The following LEMD3 variants were observed in gnomAD, a reference collection of about 807,000 sequenced individuals.
LEMD3 encodes LEM domain containing 3.
Under a neutral mutation model 95.2 loss-of-function variants are expected in LEMD3, and 33 were observed. The ratio of observed to expected loss-of-function variants is 0.35; its 90% CI spans 0.26 to 0.46. LEMD3 has a LOEUF of 0.46. LEMD3 is among the 20% of genes least tolerant of loss of function. The pLI is 1.00. For missense variants in LEMD3, 1,210 were observed against 1,192.8 expected (o/e 1.01, Z -0.21); for synonymous variants, 525 against 474.6 (o/e 1.11, Z -1.38).
At chr12:65,198,267 AT>A (rs1213022449) in intron 1 of LEMD3, among the ~76,000 whole-genome samples, 3 of 152,152 alleles carry the variant, frequency 2.0e-5, no homozygotes, top group Non-Finnish European at 4.4e-5. Flanking sequence ...AAATTATAGT[AT>A]TCATTAGCAT....
Position 65,216,031 on chromosome 12 carries a change from G to A in LEMD3, c.1615G>A (p.Ala539Thr). The A allele has an allele frequency of 6.3e-7, 1 of 1,590,450 alleles. No individual in the cohort carries two copies. The highest frequency in any genetic ancestry group is 8.6e-7 in the Non-Finnish European group (1 of 1,161,292). Residue 539 changes from alanine to threonine, a missense_variant, in exon 3 of 13, where the codon GCA becomes ACA. By Grantham distance (58) the Ala-to-Thr change is moderately conservative. This residue lies in a region of LEMD3 where 461 missense variants were observed against 569.8 expected (regional missense o/e 0.81). Transcript: ENST00000308330. ...NTLYKLHDRL[A>T]QLAGDHECGS... is the part of the protein sequence containing the mutation. ...ATTATATAAGCTTCATGATCGATTG[G>A]CACAGCTTGCAGGTAATTGTTTTAA...
At chr12:65,194,958 A>C (rs930560024) in intron 1 of LEMD3, among the ~76,000 whole-genome samples, 4 of 90,974 alleles carry the variant, frequency 4.4e-5, no homozygotes, top group Non-Finnish European at 6.2e-5. Flanking sequence ...TTTCTCCCAA[A>C]GTTAGCTTGG....
intron 1 of LEMD3, among the ~76,000 whole-genome samples, chr12:65,186,133 G>A (rs886525858): frequency 6.6e-6 from 1 of 152,006 alleles, no homozygotes; most frequent in African/African-American, 2.4e-5. Context: ...ATTTTACAAT[G>A]AGGAACTAGA....
At chr12:65,244,292 C>A (rs74101755) in intron 10 of LEMD3, among the ~76,000 whole-genome samples, 11,512 of 149,516 alleles carry the variant, frequency 0.077, 960 homozygotes, top group African/African-American at 0.2. Context: ...CACACCCCCC[C>A]CACACACACA....
At chr12:65,222,068 T>C (rs1269834769) in intron 4 of LEMD3, among the ~76,000 whole-genome samples, 9 of 152,118 alleles carry the variant, frequency 5.9e-5, no homozygotes, top group Admixed American at 2.6e-4. Flanking sequence ...TTTGTCACCA[T>C]TGAGTATGAT....
chr12:65,222,669 A>G (rs1204234136), intron 4 of LEMD3, among the ~76,000 whole-genome samples: 1 of 151,592 alleles, frequency 6.6e-6, no homozygotes, highest in African/African-American at 2.4e-5. Flanking sequence ...AATCTTTATT[A>G]TTTCCTCCCT....
chr12:65,235,721 G>C (rs905955251), intron 4 of LEMD3, among the ~76,000 whole-genome samples: 1 of 152,004 alleles, frequency 6.6e-6, no homozygotes, highest in Non-Finnish European at 1.5e-5. Flanking sequence ...GGGGCATCCT[G>C]GAACCAATCC....
chr12:65,216,490 A>C (rs181603152), intron 3 of LEMD3, among the ~76,000 whole-genome samples: 88 of 152,156 alleles, frequency 5.8e-4, no homozygotes, highest in African/African-American at 2.1e-3. Context: ...TTTTCCTCAT[A>C]GTCTGCTCTT....
intron 1 of LEMD3, among the ~76,000 whole-genome samples, chr12:65,195,166 G>A (rs950776632): frequency 9.2e-5 from 14 of 152,068 alleles, no homozygotes; most frequent in Admixed American, 2.0e-4. Flanking sequence ...TGCAGAACCT[G>A]TGGTTATGGT....
intron 2 of LEMD3, among the ~76,000 whole-genome samples, chr12:65,214,322 G>A (rs1042644036): frequency 6.6e-6 from 1 of 152,086 alleles, no homozygotes; most frequent in Non-Finnish European, 1.5e-5. Flanking sequence ...GTCTAATTTT[G>A]CAGTTTGAAT....
Position 65,170,523 on chromosome 12 carries a change from A to T in LEMD3, c.927A>T (p.Ser309=). 2 of 1,614,008 alleles carry T rather than the reference A, an allele frequency of 1.2e-6. No individual in the cohort carries two copies. The highest frequency in any genetic ancestry group is 1.7e-6 in the Non-Finnish European group (2 of 1,179,996). The change falls in exon 1 of 13, where the codon TCA becomes TCT. Residue 309 remains serine (S), a synonymous_variant. Transcript: ENST00000308330. ...CGGCCGGCGGCAGGCTGGAGACTTC[A>T]GTTCAGGGAGGGGGAGGACTCGCGA... ...AKSAGGRLET[S]VQGGGGLAMN...
At chr12:65,192,517 A>G (rs968355742) in intron 1 of LEMD3, among the ~76,000 whole-genome samples, 1 of 152,054 alleles carries the variant, frequency 6.6e-6, no homozygotes, top group Non-Finnish European at 1.5e-5. Context: ...ACAAAAACAC[A>G]TCTTTTATAC....
intron 1 of LEMD3, among the ~76,000 whole-genome samples, chr12:65,203,828 A>T (rs1316826362): frequency 6.6e-6 from 1 of 152,148 alleles, no homozygotes; most frequent in Non-Finnish European, 1.5e-5. Flanking sequence ...AGGTACATAA[A>T]CATTAGATAT....
At chr12:65,182,531 A>T (rs897216490) in intron 1 of LEMD3, among the ~76,000 whole-genome samples, 12 of 152,152 alleles carry the variant, frequency 7.9e-5, no homozygotes, top group African/African-American at 2.7e-4. Flanking sequence ...TAAACCTTTC[A>T]AGCTGTCTGA....
At chr12:65,199,209 A>G (rs968765587) in intron 1 of LEMD3, among the ~76,000 whole-genome samples, 6 of 152,136 alleles carry the variant, frequency 3.9e-5, no homozygotes, top group Admixed American at 3.9e-4. Flanking sequence ...TCTATCAAAC[A>G]TTCTTTTTTG....
At chr12:65,221,409 A>T (rs1250746350) in intron 4 of LEMD3, among the ~76,000 whole-genome samples, 1 of 151,982 alleles carries the variant, frequency 6.6e-6, no homozygotes, top group Non-Finnish European at 1.5e-5. Flanking sequence ...TTTAGTAGAG[A>T]TAGGGGCCTT....
chr12:65,234,191 G>T (rs1205720654), intron 4 of LEMD3, among the ~76,000 whole-genome samples: 1 of 152,140 alleles, frequency 6.6e-6, no homozygotes, highest in Non-Finnish European at 1.5e-5. Flanking sequence ...TGTATGGCTT[G>T]TGAGCTGTGG....
intron 1 of LEMD3, among the ~76,000 whole-genome samples, chr12:65,196,234 T>TAA (rs533476091): frequency 6.7e-6 from 1 of 149,664 alleles, no homozygotes; most frequent in African/African-American, 2.5e-5. Context: ...AACATGTAAT[T>TAA]AAAAAAAAAA....
chr12:65,192,710 C>T (rs1682238427), intron 1 of LEMD3, among the ~76,000 whole-genome samples: 1 of 152,112 alleles, frequency 6.6e-6, no homozygotes, highest in African/African-American at 2.4e-5. Context: ...TACTAACAGA[C>T]CTGAATATCT....
Sources: allele counts gnomAD v4.1 joint callset (sites outside exome capture counted in the v4.1 genomes callset), GRCh38; gene constraint gnomAD v4.1.1; regional missense constraint gnomAD v4.1.1; transcripts MANE v1.5; gene names NCBI Gene and HGNC (gene_info 2026-07-23, HGNC 2026-07-21).